Variants in SYNE3 observed in about 807,000 individuals in gnomAD.
SYNE3 encodes the protein nesprin-3.
Under a neutral mutation model 111.2 loss-of-function variants are expected in SYNE3, and 100 were observed. That is an observed-to-expected ratio of 0.90 (90% CI 0.77 to 1.06). The LOEUF (loss-of-function observed/expected upper bound fraction) is 1.06. Among genes scored for constraint, SYNE3 ranks in the 50% least tolerant of loss-of-function variants. The pLI is 0.00. For missense variants in SYNE3, 1,160 were observed against 1,240.3 expected (o/e 0.94, Z 0.97); for synonymous variants, 547 against 533.9 (o/e 1.02, Z -0.34).
chr14:95,441,261 C>G (rs531322798), intron 11 of SYNE3, among the ~76,000 whole-genome samples: 1 of 152,314 alleles, frequency 6.6e-6, no homozygotes, highest in Admixed American at 6.5e-5. Context: ...CCTCTGTCCT[C>G]AGTGAGCCAT....
At chr14:95,516,084 G>C (rs1020225270) in intron 1 of SYNE3, 1 of 152,338 alleles carries the variant, frequency 6.6e-6, no homozygotes, top group Admixed American at 6.5e-5. Flanking sequence ...TAGCCAAAAG[G>C]CGTCTGAACG....
intron 11 of SYNE3, among the ~76,000 whole-genome samples, chr14:95,440,481 AC>A (rs1344007062): frequency 6.6e-6 from 1 of 152,206 alleles, no homozygotes; most frequent in Non-Finnish European, 1.5e-5. Context: ...ACATATCCTC[AC>A]CCAAGGTCAT....
chr14:95,477,527 C>T (rs1888961434), intron 1 of SYNE3, among the ~76,000 whole-genome samples: 2 of 152,118 alleles, frequency 1.3e-5, no homozygotes, highest in Non-Finnish European at 2.9e-5. Context: ...TAAGTATCTA[C>T]TGGGAAGCTG....
At position 95,411,269 on chromosome 14, in the gene SYNE3, A is replaced by G. The variant is rs1380442931; in HGVS notation, c.*6557T>C. 2 of 151,110 alleles carry G rather than the reference A, an allele frequency of 1.3e-5. No homozygotes were observed. The highest frequency in any genetic ancestry group is 6.6e-5 in the Admixed American group (1 of 15,102). 9.4% of individuals were successfully genotyped at this position (151,110 alleles called of 1,614,324 possible). A position where few individuals can be genotyped will look rare whatever the true frequency, so the allele number is the denominator to read the frequency against. On this transcript the variant is annotated 3_prime_UTR_variant, in exon 18 of 18. Transcript: ENST00000682763. Reference sequence around the variant, plus strand: ...CTAGTTTGTCTCACCCAATTACTAGATGAAGGAAAAATGATTTTTTGATTG... The same window carrying G: ...CTAGTTTGTCTCACCCAATTACTAGGTGAAGGAAAAATGATTTTTTGATTG...
intron 16 of SYNE3, among the ~76,000 whole-genome samples, chr14:95,432,596 T>C (rs566384901): frequency 1.1e-4 from 17 of 151,812 alleles, no homozygotes; most frequent in Non-Finnish European, 2.4e-4. Flanking sequence ...TATAAGGACA[T>C]AGCATTGAGC....
chr14:95,426,616 C>T (rs1053208516), intron 17 of SYNE3, among the ~76,000 whole-genome samples: 1 of 151,996 alleles, frequency 6.6e-6, no homozygotes, highest in Non-Finnish European at 1.5e-5. Context: ...GGGCGGCAAG[C>T]CACCCAGGTG....
chr14:95,460,214 T>C (rs896192481), intron 4 of SYNE3, among the ~76,000 whole-genome samples: 49 of 152,090 alleles, frequency 3.2e-4, no homozygotes, highest in African/African-American at 1.2e-3. Context: ...GTTTTATTTT[T>C]TATTTTTTGA....
At chr14:95,429,391 G>T (rs1332316810) in intron 17 of SYNE3, among the ~76,000 whole-genome samples, 5 of 152,222 alleles carry the variant, frequency 3.3e-5, no homozygotes, top group Non-Finnish European at 4.4e-5. Context: ...AGAGTGTAAA[G>T]TGGTGGTTCT....
chr14:95,482,926 A>G (rs1048572835), intron 1 of SYNE3, among the ~76,000 whole-genome samples: 1 of 152,188 alleles, frequency 6.6e-6, no homozygotes, highest in Non-Finnish European at 1.5e-5. Context: ...GACTTGAACC[A>G]AGGATGACTT....
At chr14:95,499,310 T>A (rs12879857) in intron 1 of SYNE3, among the ~76,000 whole-genome samples, 27,604 of 152,158 alleles carry the variant, frequency 0.18, 2,850 homozygotes, top group East Asian at 0.4. Context: ...AGCCTCCACC[T>A]GAGAAAGTCC....
In SYNE3 at chr14:95,417,696, G is replaced by T; in HGVS notation, c.*130C>A. On this transcript the variant is annotated 3_prime_UTR_variant, in exon 18 of 18. Coordinates refer to ENST00000682763, the MANE Select transcript of SYNE3 (RefSeq NM_152592.6). ...AGTGTCTTCTGGGAACGCTGACACA[G>T]CACTGATATGGATGCAGCTCTGCAG... is the stretch of plus-strand genomic sequence containing the variant. 3 of 951,564 alleles carry T rather than the reference G, an allele frequency of 3.2e-6. No individual in the cohort carries two copies. Among genetic ancestry groups the T allele is most frequent in the Non-Finnish European group, 5.1e-6 (3 of 588,990 alleles). The allele number at this position is 951,564 out of a possible 1,614,324, so 58.9% of individuals were successfully genotyped here. A position where few individuals can be genotyped will look rare whatever the true frequency, so the allele number is the denominator to read the frequency against.
chr14:95,468,010 C>G (rs757970422), intron 2 of SYNE3, 43 bp from the exon 3 acceptor site: 22 of 1,580,034 alleles, frequency 1.4e-5, no homozygotes, highest in Non-Finnish European at 1.8e-5. Flanking sequence ...TGGCAAAAGG[C>G]AGACAGGCAC....
chr14:95,439,284 G>A (rs1886273586), intron 13 of SYNE3, 122 bp from the exon 14 acceptor site: 2 of 1,442,700 alleles, frequency 1.4e-6, no homozygotes, highest in Non-Finnish European at 1.9e-6. Flanking sequence ...TGAAGTTTGT[G>A]AGAATGTTCC....
chr14:95,458,498 G>A (rs1887599138), intron 4 of SYNE3, among the ~76,000 whole-genome samples: 2 of 152,202 alleles, frequency 1.3e-5, no homozygotes, highest in Admixed American at 1.3e-4. Context: ...AGGCATTGCT[G>A]ATTGTCTCCT....
chr14:95,513,531 A>G (rs1333055215), intron 1 of SYNE3, among the ~76,000 whole-genome samples: 1 of 151,770 alleles, frequency 6.6e-6, no homozygotes, highest in Non-Finnish European at 1.5e-5. Flanking sequence ...CTTCGCAGCA[A>G]CCCCAAAAGG....
At position 95,500,319 on chromosome 14, in the gene SYNE3, C is replaced by T. The variant is rs367923601; in HGVS notation, c.-15+16277G>A. On this transcript the variant is annotated intron_variant, in intron 1 of 17. Coordinates refer to ENST00000682763, the MANE Select transcript of SYNE3 (RefSeq NM_152592.6). The surrounding 1 kb of genome is among the most constrained non-coding windows in gnomAD (Gnocchi z 4.7). The stretch of plus-strand genomic sequence containing the variant: ...GAACTTTGAGACGCCAGGTTTACGA[C>T]GTGCCTGTGAGAAGCCGGGCATCCA... Among the ~76,000 whole-genome samples the T allele has an allele frequency of 1.3e-5, 2 of 152,170 alleles. No homozygotes were observed. The highest frequency in any genetic ancestry group is 2.4e-5 in the African/African-American group (1 of 41,426).
rs115250753 is a variant in SYNE3, at chr14:95,429,344, G to A, written c.2727+2735C>T. On this transcript the variant is annotated intron_variant, in intron 17 of 17. Transcript: ENST00000682763. Reference sequence around the variant, plus strand: ...ACTGCGGCTAAATGACTCACTGAAGGTCACACACGCTAATGGTGGAGCCTG... The same window carrying A: ...ACTGCGGCTAAATGACTCACTGAAGATCACACACGCTAATGGTGGAGCCTG... 2.2e-3 allele frequency among the ~76,000 whole-genome samples: 334 copies of A among 152,280 alleles called. 4 individuals carry two copies. Among genetic ancestry groups the A allele is most frequent in the African/African-American group, 7.8e-3 (325 of 41,572 alleles).
At chr14:95,430,705 T>G (rs1885710762) in intron 17 of SYNE3, among the ~76,000 whole-genome samples, 1 of 151,746 alleles carries the variant, frequency 6.6e-6, no homozygotes, top group African/African-American at 2.4e-5. Flanking sequence ...ATGCCTGTAA[T>G]CCCAGCTACT....
At chr14:95,481,514 G>A (rs1474103767) in intron 1 of SYNE3, among the ~76,000 whole-genome samples, 1 of 152,220 alleles carries the variant, frequency 6.6e-6, no homozygotes, top group Admixed American at 6.5e-5. Context: ...CCGCTGAGCA[G>A]CAGGAACTAG....
Sources: gnomAD v4.1 joint callset for allele counts (sites outside exome capture counted in the v4.1 genomes callset) on GRCh38, gnomAD v4.1.1 for gene constraint, Gnocchi (gnomAD v3.1) non-coding constraint, MANE v1.5 for transcripts, NCBI Gene and HGNC (gene_info 2026-07-23, HGNC 2026-07-21) for gene names.